The following ARHGEF37 variants were observed in gnomAD, a reference collection of about 807,000 sequenced individuals.
The protein encoded by ARHGEF37 is Rho guanine nucleotide exchange factor (GEF) 37.
In ARHGEF37, 55 loss-of-function variants were observed where a neutral mutation model predicts 71.1. The observed-to-expected ratio is 0.77, with a 90% confidence interval of 0.62 to 0.97. ARHGEF37 has a LOEUF of 0.97. ARHGEF37 is among the 50% of genes least tolerant of loss of function. The probability of loss-of-function intolerance (pLI) is 0.00; values close to 1 mark genes in which losing one functional copy is unlikely to be tolerated. For synonymous variants in ARHGEF37, 327 were observed against 350.6 expected (o/e 0.93, Z 0.75); for missense variants, 765 against 836.8 (o/e 0.91, Z 1.06).
At chr5:149,631,872 C>A in intron 12 of ARHGEF37, 110 bp from the exon 13 acceptor site, 1 of 1,077,954 alleles carries the variant, frequency 9.3e-7, no homozygotes, top group Non-Finnish European at 1.3e-6. Context: ...GAGCATCCAG[C>A]AATGGGGACG....
chr5:149,621,958 C>T lies in ARHGEF37; in HGVS notation c.1231C>T (p.Gln411Ter). 1 of 1,614,266 alleles carries T rather than the reference C, an allele frequency of 6.2e-7. No individual in the cohort carries two copies. The highest frequency in any genetic ancestry group is 8.5e-7 in the Non-Finnish European group (1 of 1,180,056). ...LLVAELPQFN[Q>*]LVMQWLGQIM... ...AGTGGCTGAGCTCCCACAGTTTAAC[C>T]AGCTGGTCATGCAGTGGCTGGGCCA... The change falls in exon 9 of 13, where the codon CAG becomes TAG. Residue 411 changes from glutamine (Q) to a stop codon, truncating the protein, a stop_gained. Transcript: ENST00000333677. LOFTEE classifies it high-confidence loss of function.
chr5:149,578,313 T>G (rs1376340172), upstream of ARHGEF37, among the ~76,000 whole-genome samples: 1 of 152,226 alleles, frequency 6.6e-6, no homozygotes, highest in Non-Finnish European at 1.5e-5. Context: ...CTTACTTTAG[T>G]AAAAATCCCT....
chr5:149,633,788 C>A lies in ARHGEF37; in HGVS notation c.*1597C>A, dbSNP rs537811883. 1.3e-5 allele frequency: 2 copies of A among 152,300 alleles called. No individual in the cohort carries two copies. The highest frequency in any genetic ancestry group is 4.1e-4 in the South Asian group (2 of 4,822). 9.4% of individuals were successfully genotyped at this position (152,300 alleles called of 1,614,324 possible). On this transcript the variant is annotated 3_prime_UTR_variant, in exon 13 of 13. Coordinates refer to ENST00000333677, the MANE Select transcript of ARHGEF37 (RefSeq NM_001001669.3). The stretch of plus-strand genomic sequence containing the variant: ...TTGAAGGGCTTTTAAGAAATATATA[C>A]ATGTCTGTGTCAGTCTATAACTTGC...
At chr5:149,613,896 T>C (rs1752290748) in intron 4 of ARHGEF37, among the ~76,000 whole-genome samples, 1 of 151,980 alleles carries the variant, frequency 6.6e-6, no homozygotes, top group Non-Finnish European at 1.5e-5. Context: ...CCTGAGTAGT[T>C]TGGACTACAG....
chr5:149,618,069 C>G, intron 5 of ARHGEF37, 107 bp from the exon 6 acceptor site: 1 of 1,484,526 alleles, frequency 6.7e-7, no homozygotes. Context: ...GAATGTGACC[C>G]TGATGGAGCA....
At chr5:149,591,782 T>C (rs1580898322) in intron 1 of ARHGEF37, among the ~76,000 whole-genome samples, 2 of 152,350 alleles carry the variant, frequency 1.3e-5, no homozygotes, top group East Asian at 3.9e-4. Context: ...TTGAACACTT[T>C]GTTATAAAAC....
At position 149,627,229 on chromosome 5, in the gene ARHGEF37, G is replaced by A; in HGVS notation, c.1618G>A (p.Asp540Asn). Residue 540 changes from aspartate to asparagine, a missense_variant, in exon 11 of 13, where the codon GAC (aspartate) becomes AAC (asparagine). Physicochemically the swap from Asp to Asn is conservative, Grantham distance 23. Around this residue, in one of 5 missense-constraint regions of ARHGEF37, gnomAD observed 390 missense variants for 407.4 expected, o/e 0.96. Coordinates refer to ENST00000333677, the MANE Select transcript of ARHGEF37 (RefSeq NM_001001669.3). ...GQIVAILQNK[D>N]TKGNSGRWLV... ...AATCGTGGCCATCCTTCAAAACAAG[G>A]ACACCAAAGGCAACAGCGGCCGCTG... 1 of 1,614,006 alleles carries A rather than the reference G, an allele frequency of 6.2e-7. No homozygotes were observed. The highest frequency in any genetic ancestry group is 1.1e-5 in the South Asian group (1 of 91,076).
chr5:149,617,628 G>A (rs6579749), intron 5 of ARHGEF37, among the ~76,000 whole-genome samples: 140,958 of 152,264 alleles, frequency 0.93, 66,210 homozygotes, highest in East Asian at 1. Context: ...CTTGCTTCCT[G>A]TCGCAGAACT....
At chr5:149,595,931 G>C (rs1421056469) in intron 1 of ARHGEF37, among the ~76,000 whole-genome samples, 1 of 149,536 alleles carries the variant, frequency 6.7e-6, no homozygotes, top group East Asian at 2.0e-4. Flanking sequence ...GTCATCTTCT[G>C]TGTGGATAGC....
intron 4 of ARHGEF37, among the ~76,000 whole-genome samples, chr5:149,611,925 A>G (rs538686945): frequency 1.4e-3 from 218 of 152,348 alleles, no homozygotes; most frequent in Middle Eastern, 0.01. Context: ...TGGCTTCACT[A>G]AGAAAGGAGA....
chr5:149,590,850 C>T (rs1763385101), intron 1 of ARHGEF37, among the ~76,000 whole-genome samples: 1 of 152,064 alleles, frequency 6.6e-6, no homozygotes, highest in Non-Finnish European at 1.5e-5. Context: ...CCTCCCGCCT[C>T]GTCCTCCCAA....
At chr5:149,621,697 T>A (rs1370168628) in intron 8 of ARHGEF37, 36 bp from the exon 9 acceptor site, 1 of 1,575,568 alleles carries the variant, frequency 6.3e-7, no homozygotes, top group Non-Finnish European at 8.6e-7. Flanking sequence ...CTTTGCCACC[T>A]CCTTTCCCGA....
At chr5:149,604,722 G>T (rs201567008) in intron 3 of ARHGEF37, among the ~76,000 whole-genome samples, 2 of 134,646 alleles carry the variant, frequency 1.5e-5, no homozygotes, top group Non-Finnish European at 3.1e-5. Flanking sequence ...TCTCTCTGTC[G>T]CCCAGGCTGG....
intron 1 of ARHGEF37, among the ~76,000 whole-genome samples, chr5:149,591,755 A>C (rs1246471251): frequency 6.6e-6 from 1 of 152,198 alleles, no homozygotes; most frequent in African/African-American, 2.4e-5. Context: ...ACTGTATTCA[A>C]TTAATTACTC....
At chr5:149,575,709 T>A (rs1267149443) in intron 1 of ARHGEF37, among the ~76,000 whole-genome samples, 1 of 124,132 alleles carries the variant, frequency 8.1e-6, no homozygotes. Flanking sequence ...GGAGACAGGG[T>A]CTCACTCTGT....
intron 1 of ARHGEF37, among the ~76,000 whole-genome samples, chr5:149,562,496 T>C (rs1762845892): frequency 6.6e-6 from 1 of 152,178 alleles, no homozygotes; most frequent in East Asian, 1.9e-4. Context: ...TCGCCCAGGC[T>C]GGAGTGCAGT....
chr5:149,588,506 C>T (rs1006605352), intron 1 of ARHGEF37, among the ~76,000 whole-genome samples: 8 of 151,522 alleles, frequency 5.3e-5, no homozygotes, highest in Non-Finnish European at 1.0e-4. Context: ...GCCATGTTGG[C>T]CAGGCTGGTC....
At chr5:149,628,607 A>G (rs529536047) in intron 11 of ARHGEF37, among the ~76,000 whole-genome samples, 1 of 152,256 alleles carries the variant, frequency 6.6e-6, no homozygotes, top group African/African-American at 2.4e-5. Flanking sequence ...GTAGGGAATG[A>G]GCCCCCCATC....
intron 1 of ARHGEF37, among the ~76,000 whole-genome samples, chr5:149,582,359 A>T (rs1763126599): frequency 6.6e-6 from 1 of 152,228 alleles, no homozygotes; most frequent in Non-Finnish European, 1.5e-5. Context: ...GTTTCAGAGC[A>T]CTTTCTTTGC....
Sources: gnomAD v4.1 joint callset for allele counts (sites outside exome capture counted in the v4.1 genomes callset) on GRCh38, gnomAD v4.1.1 for gene constraint, gnomAD v4.1.1 regional missense constraint, MANE v1.5 for transcripts, NCBI Gene and HGNC (gene_info 2026-07-23, HGNC 2026-07-21) for gene names.